SELENOF: variants seen among roughly 807,000 people sequenced by gnomAD.
The protein encoded by SELENOF is 15 kDa selenoprotein.
In SELENOF, 16 loss-of-function variants were observed where a neutral mutation model predicts 20.5. The ratio of observed to expected loss-of-function variants is 0.78; its 90% CI spans 0.53 to 1.19. The LOEUF (loss-of-function observed/expected upper bound fraction) is 1.19. Ranked by LOEUF, SELENOF falls within the 50% of genes most tolerant of loss-of-function variation. The pLI is 0.00. For missense variants in SELENOF, 215 were observed against 194.2 expected, an observed-to-expected ratio of 1.11 and a Z score of -0.64; for synonymous variants, 78 against 74.5, an observed-to-expected ratio of 1.05 and a Z score of -0.24.
At chr1:86,909,889 T>A (rs13374020) in intron 1 of SELENOF, among the ~76,000 whole-genome samples, 3,593 of 152,188 alleles carry the variant, frequency 0.024, 74 homozygotes, top group African/African-American at 0.049. Context: ...CCTGTAATCA[T>A]AGCTACTCGG....
intron 2 of SELENOF, among the ~76,000 whole-genome samples, chr1:86,899,468 C>T (rs541178480): frequency 1.3e-4 from 17 of 131,486 alleles, no homozygotes; most frequent in South Asian, 4.6e-4. Context: ...CAGAGGGGCT[C>T]CTCACTTCCC....
intron 1 of SELENOF, among the ~76,000 whole-genome samples, chr1:86,905,557 C>A (rs984079243): frequency 1.1e-4 from 17 of 152,278 alleles, no homozygotes; most frequent in Middle Eastern, 3.4e-3. Context: ...CCGTTCGTGA[C>A]ACTGTACTAT....
At chr1:86,868,539 A>T (rs1658673809) in intron 3 of SELENOF, among the ~76,000 whole-genome samples, 1 of 152,204 alleles carries the variant, frequency 6.6e-6, no homozygotes, top group Non-Finnish European at 1.5e-5. Context: ...AATGTGCTAA[A>T]GCTATCAAAT....
chr1:86,871,007 A>G (rs1244246518), intron 3 of SELENOF, among the ~76,000 whole-genome samples: 4 of 152,148 alleles, frequency 2.6e-5, no homozygotes, highest in Non-Finnish European at 4.4e-5. Context: ...ACTATTTTTC[A>G]TCAGTTCTTT....
chr1:86,896,633 T>C (rs1325139597), intron 2 of SELENOF, among the ~76,000 whole-genome samples: 1 of 152,196 alleles, frequency 6.6e-6, no homozygotes, highest in Non-Finnish European at 1.5e-5. Flanking sequence ...CACTAAAAAG[T>C]TGTGCTAAAT....
chr1:86,888,656 AT>A (rs1333034033), intron 2 of SELENOF, among the ~76,000 whole-genome samples: 1 of 152,210 alleles, frequency 6.6e-6, no homozygotes, highest in African/African-American at 2.4e-5. Flanking sequence ...AAGAATAGTT[AT>A]GATCAACATA....
chr1:86,899,412 G>A (rs1659614461), intron 2 of SELENOF, among the ~76,000 whole-genome samples: 1 of 127,396 alleles, frequency 7.8e-6, no homozygotes, highest in Non-Finnish European at 1.6e-5. Context: ...GCCGGGCAGG[G>A]GGCCGACCCC....
intron 3 of SELENOF, among the ~76,000 whole-genome samples, chr1:86,879,563 C>A (rs1295523716): frequency 6.6e-6 from 1 of 151,912 alleles, no homozygotes; most frequent in Non-Finnish European, 1.5e-5. Flanking sequence ...ATATTAAATC[C>A]AAAAAATTCT....
intron 4 of SELENOF, among the ~76,000 whole-genome samples, chr1:86,864,184 T>C (rs1451648212): frequency 1.3e-5 from 2 of 152,196 alleles, no homozygotes; most frequent in Non-Finnish European, 2.9e-5. Context: ...ACAGAATCAA[T>C]CACATACTGG....
intron 2 of SELENOF, among the ~76,000 whole-genome samples, chr1:86,893,682 AAGAG>A (rs1659447448): frequency 6.6e-6 from 1 of 152,164 alleles, no homozygotes; most frequent in Admixed American, 6.5e-5. Flanking sequence ...TTCTTATAAA[AAGAG>A]AGAAAGAGGT....
At chr1:86,903,494 T>C (rs1242994683) in intron 1 of SELENOF, 46 bp from the exon 2 acceptor site, 1 of 1,428,192 alleles carries the variant, frequency 7.0e-7, no homozygotes, top group Non-Finnish European at 9.3e-7. Flanking sequence ...ATATTTATAC[T>C]ACAAAGCTTT....
chr1:86,867,490 TCAACAACAA>T (rs71082044), intron 4 of SELENOF, among the ~76,000 whole-genome samples: 144 of 147,804 alleles, frequency 9.7e-4, no homozygotes, highest in East Asian at 8.0e-3. Flanking sequence ...AGACTCCGTC[TCAACAACAA>T]CAACAACAAC....
intron 1 of SELENOF, among the ~76,000 whole-genome samples, chr1:86,913,078 G>T (rs1448268935): frequency 1.3e-5 from 2 of 152,172 alleles, no homozygotes; most frequent in African/African-American, 4.8e-5. Flanking sequence ...CTACCTTTTG[G>T]TTAAAGTAGC....
intron 3 of SELENOF, among the ~76,000 whole-genome samples, chr1:86,872,760 G>C (rs1292031745): frequency 2.6e-5 from 4 of 152,104 alleles, no homozygotes; most frequent in African/African-American, 9.6e-5. Context: ...AGCCAGGCAC[G>C]GGCCCGGCGT....
At chr1:86,882,508 AAAG>A (rs1490076472) in intron 2 of SELENOF, among the ~76,000 whole-genome samples, 1 of 151,620 alleles carries the variant, frequency 6.6e-6, no homozygotes, top group Non-Finnish European at 1.5e-5. Flanking sequence ...AAAAAAAAAA[AAAG>A]AGATGAGGAT....
intron 3 of SELENOF, among the ~76,000 whole-genome samples, chr1:86,871,090 C>G (rs1337416090): frequency 6.6e-6 from 1 of 152,086 alleles, no homozygotes; most frequent in Non-Finnish European, 1.5e-5. Flanking sequence ...CTTGTAGCAG[C>G]AAATCACATT....
chr1:86,873,799 C>T (rs1231319436), intron 3 of SELENOF, among the ~76,000 whole-genome samples: 1 of 150,300 alleles, frequency 6.7e-6, no homozygotes, highest in Non-Finnish European at 1.5e-5. Flanking sequence ...TTGTGGTGAG[C>T]CAAGATTGCG....
At chr1:86,904,555 CTTCAT>C (rs1659782651) in intron 1 of SELENOF, among the ~76,000 whole-genome samples, 1 of 152,154 alleles carries the variant, frequency 6.6e-6, no homozygotes, top group Non-Finnish European at 1.5e-5. Flanking sequence ...TTAACAGATA[CTTCAT>C]TTCATCAATA....
rs1291756509 is a variant in SELENOF at position 86,885,414 on chromosome 1, AG to A, written c.253-4690del. On this transcript the variant is annotated intron_variant, in intron 2 of 4. Coordinates refer to ENST00000331835, the MANE Select transcript of SELENOF (RefSeq NM_004261.5). Reference sequence around the variant, plus strand: ...CACCAGATAGCTAGATTCCAAAATAAGTTCATTTATAACACTGAACAAAGGT... The same window carrying A: ...CACCAGATAGCTAGATTCCAAAATAATTCATTTATAACACTGAACAAAGGT... Among the ~76,000 whole-genome samples, 108 of 152,166 alleles carry A rather than the reference AG, an allele frequency of 7.1e-4. 1 individual carries two copies. Among genetic ancestry groups the A allele is most frequent in the Non-Finnish European group, 1.9e-4 (13 of 68,024 alleles).
Sources: allele counts gnomAD v4.1 joint callset (sites outside exome capture counted in the v4.1 genomes callset), GRCh38; gene constraint gnomAD v4.1.1; transcripts MANE v1.5; gene names NCBI Gene and HGNC (gene_info 2026-07-23, HGNC 2026-07-21).